Variants in NRG3 observed in about 807,000 individuals in gnomAD.
The protein encoded by NRG3 is pro-neuregulin-3, membrane-bound isoform.
In NRG3, 31 loss-of-function variants were observed where a neutral mutation model predicts 66.9. The observed-to-expected ratio is 0.46, with a 90% CI of 0.35 to 0.63. The LOEUF (loss-of-function observed/expected upper bound fraction) is 0.63, where lower values mean the gene tolerates loss of function less well. Among genes scored for constraint, NRG3 ranks in the 20% least tolerant of loss-of-function variants. NRG3 has a pLI of 0.00. For missense variants in NRG3, 910 were observed against 878.9 expected (o/e 1.04, Z -0.45); for synonymous variants, 393 against 359.4 (o/e 1.09, Z -1.06).
At chr10:82,009,347 T>C (rs918561773) in intron 1 of NRG3, among the ~76,000 whole-genome samples, 1 of 152,170 alleles carries the variant, frequency 6.6e-6, no homozygotes, top group African/African-American at 2.4e-5. Flanking sequence ...AATAGTAGAC[T>C]AGGTACTGTC....
chr10:82,532,509 C>G (rs141369368), intron 2 of NRG3, among the ~76,000 whole-genome samples: 3 of 145,916 alleles, frequency 2.1e-5, no homozygotes, highest in Admixed American at 6.9e-5. Context: ...CTATATACAT[C>G]TATATGTATA....
intron 1 of NRG3, among the ~76,000 whole-genome samples, chr10:81,911,603 G>GGTTTTTTTTTTTTT (rs1306854861): frequency 3.8e-5 from 3 of 77,944 alleles, no homozygotes; most frequent in African/African-American, 4.6e-5. Flanking sequence ...GCACAGACTT[G>GGTTTTTTTTTTTTT]TTTTTTTTTT....
intron 3 of NRG3, among the ~76,000 whole-genome samples, chr10:82,746,001 G>C (rs772622428): frequency 6.6e-6 from 1 of 152,088 alleles, no homozygotes; most frequent in Non-Finnish European, 1.5e-5. Flanking sequence ...AAGTGAGCTT[G>C]CCTCAGCCTC....
At chr10:82,347,561 G>T (rs1465412949) in intron 1 of NRG3, among the ~76,000 whole-genome samples, 1 of 151,426 alleles carries the variant, frequency 6.6e-6, no homozygotes, top group Non-Finnish European at 1.5e-5. Flanking sequence ...GGGGTGGAGA[G>T]TTCTGTAGAT....
chr10:82,814,619 T>C (rs11196077), intron 3 of NRG3, among the ~76,000 whole-genome samples: 30,296 of 152,162 alleles, frequency 0.2, 3,985 homozygotes, highest in African/African-American at 0.37. Context: ...TGAGAAAACA[T>C]TTCATCCTGT....
intron 4 of NRG3, among the ~76,000 whole-genome samples, chr10:82,915,124 A>G (rs901205406): frequency 1.3e-5 from 2 of 152,308 alleles, no homozygotes; most frequent in African/African-American, 2.4e-5. Flanking sequence ...TCCAACTGTT[A>G]GTCAAGTGAT....
intron 1 of NRG3, among the ~76,000 whole-genome samples, chr10:81,917,686 C>T (rs920332045): frequency 3.3e-5 from 5 of 152,132 alleles, no homozygotes; most frequent in Admixed American, 1.3e-4. Context: ...TTCAACTATG[C>T]GTGTACTGGT....
At chr10:82,418,723 C>T (rs1276827652) in intron 2 of NRG3, among the ~76,000 whole-genome samples, 1 of 152,116 alleles carries the variant, frequency 6.6e-6, no homozygotes, top group East Asian at 1.9e-4. Flanking sequence ...TCCTCAGCCT[C>T]CTGAGTAGCT....
intron 2 of NRG3, among the ~76,000 whole-genome samples, chr10:82,509,054 A>T (rs1438923626): frequency 6.6e-6 from 1 of 152,172 alleles, no homozygotes; most frequent in African/African-American, 2.4e-5. Flanking sequence ...ACTAATTACT[A>T]TCACAGAGTT....
intron 2 of NRG3, among the ~76,000 whole-genome samples, chr10:82,584,282 C>T (rs1411537106): frequency 6.6e-6 from 1 of 152,032 alleles, no homozygotes; most frequent in Non-Finnish European, 1.5e-5. Context: ...GACAGGGTTT[C>T]ATCTTGTTGG....
At chr10:82,931,777 G>A (rs942813943) in intron 4 of NRG3, among the ~76,000 whole-genome samples, 7 of 152,068 alleles carry the variant, frequency 4.6e-5, no homozygotes, top group Admixed American at 2.0e-4. Context: ...GCAGTCTGCC[G>A]TCTGAGTGCA....
intron 1 of NRG3, among the ~76,000 whole-genome samples, chr10:82,276,723 ATTC>A (rs1198378136): frequency 3.9e-5 from 6 of 152,016 alleles, no homozygotes; most frequent in Non-Finnish European, 7.4e-5. Flanking sequence ...CAAATGTGTA[ATTC>A]TTCTTATGTG....
At chr10:82,078,279 A>T (rs919782035) in intron 1 of NRG3, among the ~76,000 whole-genome samples, 3 of 152,216 alleles carry the variant, frequency 2.0e-5, no homozygotes, top group Non-Finnish European at 4.4e-5. Context: ...TTGTCTAGGA[A>T]AAATGAAAAA....
intron 2 of NRG3, among the ~76,000 whole-genome samples, chr10:82,385,372 C>T (rs1312145303): frequency 6.6e-6 from 1 of 151,968 alleles, no homozygotes; most frequent in Non-Finnish European, 1.5e-5. Flanking sequence ...ATTTTCTTCT[C>T]AGACAATCAA....
intron 1 of NRG3, among the ~76,000 whole-genome samples, chr10:82,010,849 G>A (rs2061546786): frequency 6.6e-6 from 1 of 152,072 alleles, no homozygotes; most frequent in East Asian, 1.9e-4. Context: ...CTTTTGGAAG[G>A]GCAAGAAACC....
chr10:82,282,976 T>C (rs1488962078), intron 1 of NRG3, among the ~76,000 whole-genome samples: 1 of 152,074 alleles, frequency 6.6e-6, no homozygotes, highest in East Asian at 1.9e-4. Context: ...TGATGACTCA[T>C]CCCAATCTCT....
intron 2 of NRG3, among the ~76,000 whole-genome samples, chr10:82,609,011 T>C (rs1304732796): frequency 6.6e-6 from 1 of 152,198 alleles, no homozygotes; most frequent in East Asian, 1.9e-4. Flanking sequence ...TTGATTTTAA[T>C]TTAAAAAGAA....
chr10:82,827,322 T>G, intron 3 of NRG3: 1 of 291,734 alleles, frequency 3.4e-6, no homozygotes, highest in Non-Finnish European at 6.7e-6. Flanking sequence ...GACTGTGACT[T>G]GCCTTTGGCC....
At chr10:82,203,828 C>T (rs118128996) in intron 1 of NRG3, among the ~76,000 whole-genome samples, 258 of 152,212 alleles carry the variant, frequency 1.7e-3, no homozygotes, top group Non-Finnish European at 3.0e-3. Context: ...CAGCCAGGAA[C>T]ATCCATCTGC....
Sources: gnomAD v4.1 joint callset for allele counts (sites outside exome capture counted in the v4.1 genomes callset) on GRCh38, gnomAD v4.1.1 for gene constraint, MANE v1.5 for transcripts, NCBI Gene and HGNC (gene_info 2026-07-23, HGNC 2026-07-21) for gene names.